The following BAZ1A variants were observed in gnomAD, a reference collection of about 807,000 sequenced individuals.
The protein encoded by BAZ1A is bromodomain adjacent to zinc finger domain 1A, also known as bromodomain adjacent to zinc finger domain protein 1A.
In BAZ1A, 50 loss-of-function variants were observed where a neutral mutation model predicts 185.2. The observed-to-expected ratio is 0.27, with a 90% CI of 0.22 to 0.34. The LOEUF is 0.34. Among genes scored for constraint, BAZ1A ranks in the 10% least tolerant of loss-of-function variants. BAZ1A has a pLI of 1.00. For missense variants in BAZ1A, 1,356 were observed against 1,839.9 expected (o/e 0.74, Z 4.81); for synonymous variants, 571 against 615.6 (o/e 0.93, Z 1.07).
chr14:34,784,610 C>A (rs1257913751), intron 14 of BAZ1A, among the ~76,000 whole-genome samples: 1 of 148,594 alleles, frequency 6.7e-6, no homozygotes, highest in South Asian at 2.2e-4. Flanking sequence ...CTCCGCCTTC[C>A]GGGTTCACGC....
chr14:34,795,897 G>C, intron 9 of BAZ1A, 132 bp from the exon 10 acceptor site: 1 of 626,818 alleles, frequency 1.6e-6, no homozygotes, highest in South Asian at 2.2e-5. Context: ...TAACTCTGAG[G>C]TTAGGACTTA....
At chr14:34,807,238 TG>T (rs1329218633) in intron 6 of BAZ1A, among the ~76,000 whole-genome samples, 2 of 151,672 alleles carry the variant, frequency 1.3e-5, no homozygotes, top group African/African-American at 2.4e-5. Flanking sequence ...TGATCTTTTT[TG>T]TAAGTGGCAG....
In BAZ1A at chr14:34,786,215, G is replaced by A. The variant is rs1425052371; in HGVS notation, c.1517C>T (p.Thr506Ile). 1.2e-6 allele frequency: 2 copies of A among 1,609,872 alleles called. No homozygotes were observed. The highest frequency in any genetic ancestry group is 1.1e-5 in the South Asian group (1 of 89,942). The part of the protein sequence containing the change: ...QLTDADTKDL[T>I]EALDEDADPT... ...GTCTGCATCTTCATCCAAAGCCTCT[G>A]TTAAATCTTTAAGGAAATAAATACT... Residue 506 changes from threonine to isoleucine, a missense_variant, in exon 13 of 27, where the codon ACA (threonine) becomes ATA (isoleucine). Physicochemically the swap from Thr to Ile is moderately conservative, Grantham distance 89 (BLOSUM62 -1). Coordinates refer to ENST00000360310, the MANE Select transcript of BAZ1A (RefSeq NM_013448.3).
Position 34,811,031 on chromosome 14 carries a change from T to G in BAZ1A, c.542A>C (p.Lys181Thr), listed in dbSNP as rs1197533452. 1.9e-6 allele frequency: 3 copies of G among 1,578,760 alleles called. No individual in the cohort carries two copies. Among genetic ancestry groups the G allele is most frequent in the Non-Finnish European group, 2.6e-6 (3 of 1,156,610 alleles). Residue 181 changes from lysine to threonine, a missense_variant, in exon 5 of 27, where the codon AAA becomes ACA. By Grantham distance (78) the Lys-to-Thr change is moderately conservative. Transcript: ENST00000360310. ...TAGTAAGGGATCAATTGCATCTTTT[T>G]TCTTCCTAAAAAGAAGAGGGAAAAG... ...TQSCSFQNGK[K>T]KDAIDPLLFK... is the part of the protein sequence containing the mutation.
intron 21 of BAZ1A, among the ~76,000 whole-genome samples, chr14:34,766,720 T>C (rs897731783): frequency 6.6e-6 from 1 of 152,224 alleles, no homozygotes; most frequent in Non-Finnish European, 1.5e-5. Context: ...CTAGGATTGC[T>C]AGTGACCTCA....
At chr14:34,840,405 A>G (rs1414468275) in intron 3 of BAZ1A, among the ~76,000 whole-genome samples, 4 of 152,192 alleles carry the variant, frequency 2.6e-5, no homozygotes, top group Non-Finnish European at 5.9e-5. Flanking sequence ...ATCAAAATAA[A>G]GTACATAAAA....
intron 3 of BAZ1A, among the ~76,000 whole-genome samples, chr14:34,857,155 C>T (rs1005050870): frequency 6.6e-6 from 1 of 151,536 alleles, no homozygotes; most frequent in Non-Finnish European, 1.5e-5. Flanking sequence ...TACAGGTGCC[C>T]GCCACTACGC....
At chr14:34,842,791 G>T (rs939077672) in intron 3 of BAZ1A, among the ~76,000 whole-genome samples, 3 of 152,070 alleles carry the variant, frequency 2.0e-5, no homozygotes, top group Non-Finnish European at 4.4e-5. Flanking sequence ...CATCACTCAT[G>T]ACCTTGGGCA....
At chr14:34,782,934 TGGAGGGGAC>T (rs1880141125) in intron 16 of BAZ1A, among the ~76,000 whole-genome samples, 176 bp downstream of exon 16, 1 of 152,188 alleles carries the variant, frequency 6.6e-6, no homozygotes. Flanking sequence ...GTGATATTGG[TGGAGGGGAC>T]AGATAAATAT....
At position 34,874,897 on chromosome 14, in the gene BAZ1A, T is replaced by G; in HGVS notation, c.-58-235A>C. The stretch of plus-strand genomic sequence containing the variant: ...CTCTCGTCCTGCCGCCGCCTCACAA[T>G]GGGGCAGGACGCCCCGCCGCGGGGG... On this transcript the variant is annotated intron_variant, in intron 1 of 26. Coordinates refer to ENST00000360310, the MANE Select transcript of BAZ1A (RefSeq NM_013448.3). This position sits in a 1 kb window ranked among gnomAD's most constrained non-coding sequence, Gnocchi z 4.7. 2 of 217,358 alleles carry G rather than the reference T, an allele frequency of 9.2e-6. No homozygotes were observed. Among genetic ancestry groups the G allele is most frequent in the Non-Finnish European group, 9.1e-6 (1 of 110,244 alleles). The allele number at this position is 217,358 out of a possible 1,614,324, so 13.5% of individuals were successfully genotyped here. A position where few individuals can be genotyped will look rare whatever the true frequency, so the allele number is the denominator to read the frequency against.
intron 19 of BAZ1A, 105 bp from the exon 20 acceptor site, chr14:34,773,831 A>G: frequency 1.7e-6 from 2 of 1,157,922 alleles, no homozygotes; most frequent in Non-Finnish European, 2.4e-6. Context: ...ATATTTTAGA[A>G]ATGATTATGA....
At chr14:34,823,639 C>T (rs1406006061) in intron 4 of BAZ1A, among the ~76,000 whole-genome samples, 1 of 151,660 alleles carries the variant, frequency 6.6e-6, no homozygotes, top group Non-Finnish European at 1.5e-5. Context: ...CCAGCCTGGG[C>T]AACAAGAGCG....
chr14:34,867,819 TC>T (rs1399551530), intron 2 of BAZ1A, among the ~76,000 whole-genome samples: 2 of 152,156 alleles, frequency 1.3e-5, no homozygotes, highest in African/African-American at 4.8e-5. Flanking sequence ...CTTCACTTTC[TC>T]CCACTTCTGT....
intron 3 of BAZ1A, among the ~76,000 whole-genome samples, chr14:34,859,671 A>C (rs1391734362): frequency 2.6e-5 from 4 of 152,098 alleles, no homozygotes; most frequent in Non-Finnish European, 5.9e-5. Flanking sequence ...ATCCCCAATT[A>C]ATCTTTTTCA....
chr14:34,788,826 A>G (rs1168049079), intron 12 of BAZ1A, among the ~76,000 whole-genome samples: 1 of 152,158 alleles, frequency 6.6e-6, no homozygotes, highest in Admixed American at 6.5e-5. Flanking sequence ...TTTGAAAATC[A>G]CTAGGCTAAT....
rs555794174 is a variant in BAZ1A at position 34,818,808 on chromosome 14, A to G, written c.536+7205T>C. Reference sequence around the variant, plus strand: ...AAATTTCTGGACTTAATAAGGAATAAAAAATTGTATGCTGAGGTTGCTAAA... The same window carrying G: ...AAATTTCTGGACTTAATAAGGAATAGAAAATTGTATGCTGAGGTTGCTAAA... On this transcript the variant is annotated intron_variant, in intron 4 of 26. Coordinates refer to ENST00000360310, the MANE Select transcript of BAZ1A (RefSeq NM_013448.3). 3.3e-5 allele frequency among the ~76,000 whole-genome samples: 5 copies of G among 152,234 alleles called. No individual in the cohort carries two copies. The East Asian group carries it at 7.7e-4, about 24-fold the overall frequency.
chr14:34,754,154 A>C (rs1322102420), intron 26 of BAZ1A, among the ~76,000 whole-genome samples: 1 of 151,336 alleles, frequency 6.6e-6, no homozygotes, highest in East Asian at 1.9e-4. Flanking sequence ...CGGGAGGCTG[A>C]GGCAGGAGAA....
chr14:34,811,476 T>A (rs77760397), intron 4 of BAZ1A, among the ~76,000 whole-genome samples: 1 of 151,968 alleles, frequency 6.6e-6, no homozygotes, highest in Non-Finnish European at 1.5e-5. Context: ...ATTTTTTTTT[T>A]AAGAGACAGA....
In BAZ1A at chr14:34,790,853, G is replaced by T. The variant is rs189727681; in HGVS notation, c.1510+1922C>A. 3.3e-5 allele frequency among the ~76,000 whole-genome samples: 5 copies of T among 152,228 alleles called. No individual in the cohort carries two copies. The East Asian group carries it at 9.6e-4, about 29-fold the overall frequency. On this transcript the variant is annotated intron_variant, in intron 12 of 26. Transcript: ENST00000360310. ...TGAAAGTGTAATGGCACCTGGGTGC[G>T]GTGTCTCAAGCTTGTAATCCCAGCA...
Sources: gnomAD v4.1 joint callset for allele counts (sites outside exome capture counted in the v4.1 genomes callset) on GRCh38, gnomAD v4.1.1 for gene constraint, Gnocchi (gnomAD v3.1) non-coding constraint, MANE v1.5 for transcripts, NCBI Gene and HGNC (gene_info 2026-07-23, HGNC 2026-07-21) for gene names.